The following CEP112 variants were observed in gnomAD, a reference collection of about 807,000 sequenced individuals.
CEP112 encodes the protein centrosomal protein 112, also known as centrosomal protein of 112 kDa.
Under a neutral mutation model 153.0 loss-of-function variants are expected in CEP112, and 127 were observed. That is an observed-to-expected ratio of 0.83 (90% confidence interval 0.72 to 0.96). CEP112 has a LOEUF of 0.96. CEP112 is among the 40% of genes least tolerant of loss of function. The pLI, the probability that CEP112 is intolerant of heterozygous loss-of-function variation, is 0.00. For synonymous variants in CEP112, 358 were observed against 374.4 expected (o/e 0.96, Z 0.51); for missense variants, 1,089 against 1,101.2 (o/e 0.99, Z 0.16).
At chr17:65,774,560 C>G (rs1308784688) in intron 21 of CEP112, among the ~76,000 whole-genome samples, 1 of 152,184 alleles carries the variant, frequency 6.6e-6, no homozygotes, top group Admixed American at 6.5e-5. Flanking sequence ...ACAACATTTC[C>G]TGGGTGTCTG....
chr17:65,837,688 A>G (rs1436957430), intron 21 of CEP112, among the ~76,000 whole-genome samples: 2 of 152,258 alleles, frequency 1.3e-5, no homozygotes, highest in African/African-American at 4.8e-5. Flanking sequence ...TCAGATTGTT[A>G]CTGTGTCTGT....
At chr17:66,076,497 A>G (rs2067503319) in intron 8 of CEP112, among the ~76,000 whole-genome samples, 1 of 152,022 alleles carries the variant, frequency 6.6e-6, no homozygotes, top group Admixed American at 6.5e-5. Context: ...TCCTAGGTAC[A>G]CAACTCCATT....
intron 16 of CEP112, among the ~76,000 whole-genome samples, chr17:66,018,549 CTT>C (rs1422670539): frequency 1.3e-5 from 2 of 152,272 alleles, no homozygotes; most frequent in Admixed American, 1.3e-4. Context: ...GATTGCATAA[CTT>C]CTATAAATCT....
chr17:65,841,374 A>C (rs1373449985), intron 21 of CEP112, among the ~76,000 whole-genome samples: 1 of 152,124 alleles, frequency 6.6e-6, no homozygotes, highest in Non-Finnish European at 1.5e-5. Flanking sequence ...AGATGTCATT[A>C]TGTTAAGTGA....
intron 8 of CEP112, among the ~76,000 whole-genome samples, chr17:66,076,074 C>T (rs929195829): frequency 6.6e-6 from 1 of 152,168 alleles, no homozygotes; most frequent in African/African-American, 2.4e-5. Flanking sequence ...GGTCCCCAAG[C>T]AGGCCATTCC....
At chr17:66,001,339 G>A (rs907687817) in intron 17 of CEP112, among the ~76,000 whole-genome samples, 2 of 152,066 alleles carry the variant, frequency 1.3e-5, no homozygotes, top group African/African-American at 4.8e-5. Context: ...ATAGATGTTC[G>A]ATATTAGACC....
chr17:65,646,250 T>C (rs2045427385), intron 24 of CEP112, among the ~76,000 whole-genome samples: 1 of 152,248 alleles, frequency 6.6e-6, no homozygotes, highest in Non-Finnish European at 1.5e-5. Flanking sequence ...CGTGCATTTA[T>C]ACTTCCTGTC....
At chr17:66,028,026 GA>G (rs2145698081) in intron 15 of CEP112, among the ~76,000 whole-genome samples, 1 of 150,774 alleles carries the variant, frequency 6.6e-6, no homozygotes, top group African/African-American at 2.4e-5. Flanking sequence ...TAATTTAAAA[GA>G]AGGAAATTAT....
At chr17:65,936,762 T>C (rs2144356090) in intron 18 of CEP112, among the ~76,000 whole-genome samples, 1 of 134,234 alleles carries the variant, frequency 7.4e-6, no homozygotes, top group South Asian at 2.8e-4. Flanking sequence ...CTTAACAAAT[T>C]AAGTATAGAA....
intron 21 of CEP112, among the ~76,000 whole-genome samples, chr17:65,809,419 G>A (rs1020903513): frequency 2.6e-5 from 4 of 152,194 alleles, no homozygotes; most frequent in Non-Finnish European, 4.4e-5. Flanking sequence ...GTTGGAGGAA[G>A]TAGGTATGAA....
intron 16 of CEP112, among the ~76,000 whole-genome samples, chr17:66,017,955 G>C (rs942241613): frequency 6.6e-6 from 1 of 150,772 alleles, no homozygotes; most frequent in Admixed American, 6.6e-5. Flanking sequence ...AGCTGAGATT[G>C]TGCCACTGCA....
At chr17:66,124,968 A>G (rs1387186850) in intron 6 of CEP112, among the ~76,000 whole-genome samples, 1 of 152,208 alleles carries the variant, frequency 6.6e-6, no homozygotes, top group Non-Finnish European at 1.5e-5. Flanking sequence ...GAATATAGTT[A>G]CACTCCCCAA....
At chr17:66,167,412 T>G (rs1479621108) in intron 4 of CEP112, among the ~76,000 whole-genome samples, 1 of 144,498 alleles carries the variant, frequency 6.9e-6, no homozygotes, top group Admixed American at 7.1e-5. Flanking sequence ...CAAATGGAGA[T>G]AGTGGTAGTA....
chr17:66,028,460 A>T, intron 14 of CEP112, 55 bp from the exon 15 acceptor site: 1 of 973,050 alleles, frequency 1.0e-6, no homozygotes. Flanking sequence ...GTACCATATT[A>T]TACTTTCTGA....
intron 19 of CEP112, among the ~76,000 whole-genome samples, chr17:65,903,908 C>A (rs549534129): frequency 2.6e-5 from 4 of 152,240 alleles, no homozygotes; most frequent in Admixed American, 2.6e-4. Context: ...TGATAAAATT[C>A]AACATCCCTT....
intron 21 of CEP112, among the ~76,000 whole-genome samples, chr17:65,797,639 T>C (rs758361116): frequency 3.9e-5 from 6 of 152,222 alleles, no homozygotes; most frequent in Non-Finnish European, 8.8e-5. Context: ...CACTTGATTA[T>C]AAAAATGTCC....
chr17:65,793,162 T>A (rs930378707), intron 21 of CEP112, among the ~76,000 whole-genome samples: 1 of 152,188 alleles, frequency 6.6e-6, no homozygotes, highest in Non-Finnish European at 1.5e-5. Flanking sequence ...AGGGTGAAGA[T>A]AGCTCATTTC....
At chr17:65,943,800 T>C (rs547212570) in intron 18 of CEP112, among the ~76,000 whole-genome samples, 88 of 152,312 alleles carry the variant, frequency 5.8e-4, no homozygotes, top group Middle Eastern at 3.4e-3. Context: ...TATCCTGAAG[T>C]ATGTTTTCCA....
chr17:65,783,059 T>A (rs756705123), intron 21 of CEP112, among the ~76,000 whole-genome samples: 3 of 152,056 alleles, frequency 2.0e-5, no homozygotes, highest in Non-Finnish European at 4.4e-5. Flanking sequence ...ACTAAAAGTT[T>A]ACTACTTTTC....
Sources: allele counts gnomAD v4.1 joint callset (sites outside exome capture counted in the v4.1 genomes callset), GRCh38; gene constraint gnomAD v4.1.1; transcripts MANE v1.5; gene names NCBI Gene and HGNC (gene_info 2026-07-23, HGNC 2026-07-21).